The following PDE4D variants were observed in gnomAD, a reference collection of about 807,000 sequenced individuals.
PDE4D encodes phosphodiesterase 4D.
PDE4D carries 24 observed loss-of-function variants against 87.4 expected under a neutral mutation model. The ratio of observed to expected loss-of-function variants is 0.27; its 90% CI spans 0.20 to 0.39. The LOEUF (loss-of-function observed/expected upper bound fraction) is 0.39. Ranked by LOEUF, PDE4D falls within the 10% of genes least tolerant of loss-of-function variation. The pLI, the probability that PDE4D is intolerant of heterozygous loss-of-function variation, is 1.00. For synonymous variants in PDE4D, 384 were observed against 383.2 expected (o/e 1.00, Z -0.02); for missense variants, 714 against 1,041.0 (o/e 0.69, Z 4.32).
chr5:59,414,374 G>A (rs150612689), intron 1 of PDE4D, among the ~76,000 whole-genome samples: 23 of 152,292 alleles, frequency 1.5e-4, no homozygotes, highest in East Asian at 9.6e-4. Flanking sequence ...ATCATGCTCC[G>A]CAGTCTTCAT....
intron 1 of PDE4D, among the ~76,000 whole-genome samples, chr5:59,657,454 A>T (rs966290556): frequency 3.9e-5 from 6 of 152,166 alleles, no homozygotes; most frequent in Non-Finnish European, 8.8e-5. Context: ...TTAGAGCTCA[A>T]ATGAATCTAA....
intron 2 of PDE4D, among the ~76,000 whole-genome samples, chr5:60,159,458 T>C (rs1000331380): frequency 1.3e-5 from 2 of 152,184 alleles, no homozygotes. Context: ...AAGTATTATG[T>C]ACTGTACATA....
At chr5:60,079,282 G>C (rs1335294616) in intron 2 of PDE4D, among the ~76,000 whole-genome samples, 1 of 148,800 alleles carries the variant, frequency 6.7e-6, no homozygotes, top group Non-Finnish European at 1.5e-5. Context: ...CTGGGCATTA[G>C]ACCTTTGTCA....
At chr5:60,411,302 G>A (rs1346683601) in intron 1 of PDE4D, among the ~76,000 whole-genome samples, 2 of 152,140 alleles carry the variant, frequency 1.3e-5, no homozygotes, top group East Asian at 3.8e-4. Flanking sequence ...ACCAAAATAG[G>A]TTATGATGTT....
chr5:58,978,620 T>C lies in PDE4D; in HGVS notation c.1553-1275A>G, dbSNP rs369863325. On this transcript the variant is annotated intron_variant, in intron 11 of 14. Coordinates refer to ENST00000340635, the MANE Select transcript of PDE4D (RefSeq NM_001104631.2). ...AGGAGAGGCTTAAGACATTTTCAACTGAGAAATTCTATTATTTTATCGGAA... is the reference window on the plus strand; with the variant it reads ...AGGAGAGGCTTAAGACATTTTCAACCGAGAAATTCTATTATTTTATCGGAA... Among the ~76,000 whole-genome samples, 15 of 152,318 alleles carry C rather than the reference T, an allele frequency of 9.8e-5. No homozygotes were observed. The South Asian group carries it at 2.7e-3, about 27-fold the overall frequency.
chr5:59,291,707 CAAAATTA>C (rs1226659597), intron 1 of PDE4D, among the ~76,000 whole-genome samples: 3 of 144,670 alleles, frequency 2.1e-5, no homozygotes, highest in African/African-American at 5.1e-5. Context: ...ATGTATGCAC[CAAAATTA>C]AAAATTAAAA....
intron 2 of PDE4D, among the ~76,000 whole-genome samples, chr5:60,076,328 T>C (rs1773292317): frequency 6.6e-6 from 1 of 152,056 alleles, no homozygotes; most frequent in Admixed American, 6.5e-5. Context: ...CCGGCTAGTT[T>C]TCTGTATTTT....
chr5:59,900,247 A>AT (rs1554108772), intron 3 of PDE4D, among the ~76,000 whole-genome samples: 67 of 110,476 alleles, frequency 6.1e-4, no homozygotes, highest in African/African-American at 1.8e-3. Flanking sequence ...ATCAAAAAAA[A>AT]ATATATATAT....
intron 1 of PDE4D, among the ~76,000 whole-genome samples, chr5:60,296,891 T>C (rs915216140): frequency 2.0e-4 from 30 of 151,892 alleles, no homozygotes; most frequent in African/African-American, 7.0e-4. Context: ...AGTTGAACAG[T>C]GAGAACATAT....
rs886060712 is a variant in PDE4D at position 58,973,884 on chromosome 5, C to G, written c.*780G>C. On this transcript the variant is annotated 3_prime_UTR_variant, in exon 15 of 15. Coordinates refer to ENST00000340635, the MANE Select transcript of PDE4D (RefSeq NM_001104631.2). ...ATATAAAACAAACAATGAATCACTA[C>G]AAATCAGTTAATTGCTATGAACTAT... 6.6e-6 allele frequency: 1 copy of G among 152,546 alleles called. No individual in the cohort carries two copies. Among genetic ancestry groups the G allele is most frequent in the African/African-American group, 2.4e-5 (1 of 41,434 alleles). The allele number at this position is 152,546 out of a possible 1,614,324, so 9.4% of individuals were successfully genotyped here.
chr5:60,039,072 C>A (rs1047788243), intron 2 of PDE4D, among the ~76,000 whole-genome samples: 2 of 151,386 alleles, frequency 1.3e-5, no homozygotes, highest in African/African-American at 4.9e-5. Context: ...TTTGACCCAG[C>A]CATGCCATTA....
chr5:59,548,868 C>T (rs957005783), intron 1 of PDE4D, among the ~76,000 whole-genome samples: 1 of 152,086 alleles, frequency 6.6e-6, no homozygotes, highest in Admixed American at 6.6e-5. Flanking sequence ...CCATGACACC[C>T]CACTAGAACT....
At chr5:60,203,320 C>G (rs1035635805) in intron 1 of PDE4D, among the ~76,000 whole-genome samples, 1 of 152,004 alleles carries the variant, frequency 6.6e-6, no homozygotes, top group African/African-American at 2.4e-5. Context: ...AAATTAGTAT[C>G]GCTATAAAAA....
rs548442953 is a variant in PDE4D at position 60,415,573 on chromosome 5, C to T, written c.-90+72369G>A. Among the ~76,000 whole-genome samples the T allele has an allele frequency of 6.6e-5, 10 of 152,342 alleles. No homozygotes were observed. The East Asian group carries it at 1.9e-3, about 29-fold the overall frequency. The stretch of plus-strand genomic sequence containing the variant: ...GAGCGGCAGGCCGGCCCCGCCACCC[C>T]GGGCAGTGAGGGGCTTAGCACCTGG... On this transcript the variant is annotated intron_variant, in intron 1 of 16. Transcript: ENST00000502484.
intron 5 of PDE4D, among the ~76,000 whole-genome samples, chr5:59,096,513 A>G (rs1561478026): frequency 1.3e-5 from 2 of 152,092 alleles, no homozygotes; most frequent in South Asian, 4.1e-4. Context: ...TGATTGACTG[A>G]TTGGTTCAGG....
intron 1 of PDE4D, among the ~76,000 whole-genome samples, chr5:59,760,068 T>C (rs1761785099): frequency 6.6e-6 from 1 of 152,190 alleles, no homozygotes; most frequent in Admixed American, 6.5e-5. Context: ...GTGGCTGTAT[T>C]TCTCTTTTAT....
chr5:59,090,307 C>T (rs191056470), intron 5 of PDE4D, among the ~76,000 whole-genome samples: 13 of 152,112 alleles, frequency 8.5e-5, no homozygotes, highest in African/African-American at 2.9e-4. Flanking sequence ...AAATTTTACA[C>T]CATGTCTAGT....
At chr5:59,176,414 C>T (rs369507121) in intron 5 of PDE4D, among the ~76,000 whole-genome samples, 6 of 152,052 alleles carry the variant, frequency 3.9e-5, no homozygotes, top group Admixed American at 1.3e-4. Flanking sequence ...GTTAGCCGGG[C>T]GTGGTGGTGG....
intron 1 of PDE4D, among the ~76,000 whole-genome samples, chr5:59,599,709 C>G (rs1320192645): frequency 6.6e-6 from 1 of 151,974 alleles, no homozygotes; most frequent in Non-Finnish European, 1.5e-5. Context: ...CATTTTCTCC[C>G]CTCTCCCAGC....
Sources: gnomAD v4.1 joint callset for allele counts (sites outside exome capture counted in the v4.1 genomes callset) on GRCh38, gnomAD v4.1.1 for gene constraint, MANE v1.5 for transcripts, NCBI Gene and HGNC (gene_info 2026-07-23, HGNC 2026-07-21) for gene names.